Variants in G2E3 observed in about 807,000 individuals in gnomAD.
The protein encoded by G2E3 is G2/M-phase specific E3 ubiquitin protein ligase, also known as G2/M phase-specific E3 ubiquitin-protein ligase.
A neutral mutation model predicts 92.8 loss-of-function variants in G2E3; 35 were observed. The observed-to-expected ratio is 0.38, with a 90% CI of 0.29 to 0.50. The LOEUF (loss-of-function observed/expected upper bound fraction) is 0.50, where lower values mean the gene tolerates loss of function less well. Ranked by LOEUF, G2E3 falls within the 20% of genes least tolerant of loss-of-function variation. G2E3 has a pLI of 0.94. For missense variants in G2E3, 554 were observed against 823.8 expected (o/e 0.67, Z 4.01); for synonymous variants, 242 against 272.4 (o/e 0.89, Z 1.10).
At chr14:30,562,088 C>G (rs1245112339) in intron 1 of G2E3, among the ~76,000 whole-genome samples, 2 of 152,004 alleles carry the variant, frequency 1.3e-5, no homozygotes, top group Admixed American at 1.3e-4. Context: ...TTTATTATCT[C>G]TATATTAAGA....
At chr14:30,591,342 A>C (rs940323953) in intron 4 of G2E3, among the ~76,000 whole-genome samples, 4 of 152,128 alleles carry the variant, frequency 2.6e-5, no homozygotes, top group Non-Finnish European at 5.9e-5. Flanking sequence ...GTATTTTGCT[A>C]ATGATTGATT....
intron 7 of G2E3, 164 bp from the exon 8 acceptor site, chr14:30,598,319 G>A (rs10148782): frequency 0.018 from 9,218 of 501,604 alleles, 614 homozygotes; most frequent in African/African-American, 0.15. Flanking sequence ...CCCGGCAGGC[G>A]GAGGTTGCAG....
At position 30,586,704 on chromosome 14, in the gene G2E3, T is replaced by G. The variant is rs1490353925; in HGVS notation, c.38-14T>G. 4 of 972,742 alleles carry G rather than the reference T, an allele frequency of 4.1e-6. No homozygotes were observed. The highest frequency in any genetic ancestry group is 2.5e-5 in the Admixed American group (1 of 39,716). The allele number at this position is 972,742 out of a possible 1,614,324, so 60.3% of individuals were successfully genotyped here. On this transcript the variant is annotated splice_polypyrimidine_tract_variant and intron_variant, in intron 2 of 14. Transcript: ENST00000206595. The stretch of plus-strand genomic sequence containing the variant: ...TAAATATATTTTTATATCTATTTAC[T>G]TTTTCACTGTTAGCTTGTGTTTTCT...
At chr14:30,566,736 G>A (rs1281489280) in intron 1 of G2E3, among the ~76,000 whole-genome samples, 1 of 152,092 alleles carries the variant, frequency 6.6e-6, no homozygotes, top group Non-Finnish European at 1.5e-5. Flanking sequence ...GTTCAGTGTT[G>A]ACTACAAGTG....
intron 10 of G2E3, among the ~76,000 whole-genome samples, chr14:30,605,050 C>T (rs149298346): frequency 3.9e-5 from 6 of 152,312 alleles, no homozygotes; most frequent in Non-Finnish European, 5.9e-5. Context: ...GCATACGCCA[C>T]GACGCCCAGC....
At chr14:30,570,445 G>A (rs192763062) in intron 1 of G2E3, among the ~76,000 whole-genome samples, 5 of 151,996 alleles carry the variant, frequency 3.3e-5, no homozygotes, top group East Asian at 1.9e-4. Context: ...CACTTTCTCC[G>A]GTCCCTCTTG....
chr14:30,583,803 TAACTC>T (rs1403753263), intron 2 of G2E3, among the ~76,000 whole-genome samples: 1 of 152,340 alleles, frequency 6.6e-6, no homozygotes, highest in African/African-American at 2.4e-5. Context: ...AGTTGAGTCT[TAACTC>T]AGGTCTCTCT....
chr14:30,568,599 A>T (rs934808620), intron 1 of G2E3, among the ~76,000 whole-genome samples: 2 of 152,088 alleles, frequency 1.3e-5, no homozygotes, highest in Non-Finnish European at 1.5e-5. Context: ...GGGGATTACA[A>T]TTAATATCTT....
At chr14:30,571,889 T>G (rs229191) in intron 1 of G2E3, among the ~76,000 whole-genome samples, 2,803 of 151,780 alleles carry the variant, frequency 0.018, 91 homozygotes, top group African/African-American at 0.064. Flanking sequence ...ATGTTTTTGC[T>G]ATTACAAGAC....
chr14:30,572,363 G>C (rs1045631103), intron 1 of G2E3, among the ~76,000 whole-genome samples: 1 of 152,052 alleles, frequency 6.6e-6, no homozygotes, highest in Non-Finnish European at 1.5e-5. Context: ...GATTCCCTTC[G>C]CTAGGTTGAA....
At chr14:30,606,836 A>G (rs73264361) in intron 11 of G2E3, among the ~76,000 whole-genome samples, 1 of 152,162 alleles carries the variant, frequency 6.6e-6, no homozygotes, top group African/African-American at 2.4e-5. Flanking sequence ...TTGCTAATAC[A>G]TTTGAAATGA....
At chr14:30,577,322 T>G (rs1251209928) in intron 1 of G2E3, among the ~76,000 whole-genome samples, 2 of 152,172 alleles carry the variant, frequency 1.3e-5, no homozygotes, top group African/African-American at 4.8e-5. Flanking sequence ...AGAAGGAATT[T>G]GACTTACTTT....
chr14:30,565,173 T>C (rs139129318), intron 1 of G2E3, among the ~76,000 whole-genome samples: 2 of 152,346 alleles, frequency 1.3e-5, no homozygotes, highest in South Asian at 2.1e-4. Context: ...ATAGCTATTA[T>C]AGTGGACATG....
At chr14:30,607,648 G>A (rs1426047776) in intron 11 of G2E3, among the ~76,000 whole-genome samples, 1 of 152,060 alleles carries the variant, frequency 6.6e-6, no homozygotes, top group Non-Finnish European at 1.5e-5. Context: ...GTTCACAGTG[G>A]TTATTATGGT....
rs1384180208 is a variant in G2E3 at position 30,589,322 on chromosome 14, A to AT, written c.136-54dup. 1.4e-5 allele frequency: 13 copies of AT among 944,314 alleles called. No individual in the cohort carries two copies. The Admixed American group carries it at 1.7e-4, about 12-fold the overall frequency. 58.5% of individuals were successfully genotyped at this position (944,314 alleles called of 1,614,324 possible). On this transcript the variant is annotated intron_variant, in intron 3 of 14. Coordinates refer to ENST00000206595, the MANE Select transcript of G2E3 (RefSeq NM_017769.5). ...ATTAGACTGAATAGTATGGATATAT[A>AT]TTTTTTTAATGCCCAACTAGTTTCT...
chr14:30,572,801 T>A (rs1879844240), intron 1 of G2E3, among the ~76,000 whole-genome samples: 1 of 152,148 alleles, frequency 6.6e-6, no homozygotes, highest in Non-Finnish European at 1.5e-5. Context: ...GTGTTGTTTC[T>A]AATTCTTACA....
intron 2 of G2E3, among the ~76,000 whole-genome samples, chr14:30,582,132 A>G (rs1405496237): frequency 6.6e-6 from 1 of 152,144 alleles, no homozygotes; most frequent in Non-Finnish European, 1.5e-5. Context: ...GACTACCTCT[A>G]TGCATTTGCC....
At position 30,583,449 on chromosome 14, in the gene G2E3, C is replaced by T. The variant is rs1487903320; in HGVS notation, c.37+2333C>T. Among the ~76,000 whole-genome samples the T allele has an allele frequency of 2.0e-5, 3 of 152,128 alleles. No homozygotes were observed. In the East Asian group the frequency reaches 5.8e-4, roughly 29 times the overall value. ...TCATGGAAAGACAATACTGCATAAT[C>T]TCCCTTATGTGTGGAATATAAAAAA... On this transcript the variant is annotated intron_variant, in intron 2 of 14. Transcript: ENST00000206595.
chr14:30,576,212 C>T (rs531402937), intron 1 of G2E3, among the ~76,000 whole-genome samples: 4 of 152,188 alleles, frequency 2.6e-5, no homozygotes, highest in Admixed American at 2.6e-4. Context: ...AGAAATGAGG[C>T]CACACATCTA....
Sources: gnomAD v4.1 joint callset for allele counts (sites outside exome capture counted in the v4.1 genomes callset) on GRCh38, gnomAD v4.1.1 for gene constraint, MANE v1.5 for transcripts, NCBI Gene and HGNC (gene_info 2026-07-23, HGNC 2026-07-21) for gene names.